TMEM132A: variants seen among roughly 807,000 people sequenced by gnomAD.
TMEM132A encodes the protein transmembrane protein 132A.
Under a neutral mutation model 69.9 loss-of-function variants are expected in TMEM132A, and 48 were observed. The observed-to-expected ratio is 0.69, with a 90% CI of 0.55 to 0.87. The LOEUF (loss-of-function observed/expected upper bound fraction) is 0.87, where lower values mean the gene tolerates loss of function less well. TMEM132A is among the 40% of genes least tolerant of loss of function. The probability of loss-of-function intolerance (pLI) is 0.00; values close to 1 mark genes in which losing one functional copy is unlikely to be tolerated. For synonymous variants in TMEM132A, 577 were observed against 613.7 expected, an observed-to-expected ratio of 0.94 and a Z score of 0.88; for missense variants, 1,287 against 1,407.2, an observed-to-expected ratio of 0.91 and a Z score of 1.37.
intron 5 of TMEM132A, 132 bp from the exon 6 acceptor site, chr11:60,931,557 A>T: frequency 2.2e-6 from 2 of 896,930 alleles, no homozygotes; most frequent in South Asian, 1.7e-5. Flanking sequence ...GTGTGGTCTT[A>T]AGTGAGCTAT....
chr11:60,936,378 T>A lies in TMEM132A; in HGVS notation c.2543T>A (p.Leu848Gln), dbSNP rs1286550885. 6.2e-7 allele frequency: 1 copy of A among 1,614,172 alleles called. No homozygotes were observed. Among genetic ancestry groups the A allele is most frequent in the East Asian group, 2.2e-5 (1 of 44,884 alleles). ...CCTCAGCATGTCACTGAGCTAGAGC[T>A]GGGCATGTACGCCCTGCTGGGAGTC... ...PAPQHVTELE[L>Q]GMYALLGVFC... Residue 848 changes from leucine (L) to glutamine (Q), a missense_variant, in exon 11 of 11, where the codon CTG (leucine) becomes CAG (glutamine). Physicochemically the swap from Leu to Gln is moderately radical, Grantham distance 113 (BLOSUM62 -2). Coordinates refer to ENST00000453848, the MANE Select transcript of TMEM132A (RefSeq NM_178031.3).
chr11:60,934,919 T>A (rs1214866289), intron 9 of TMEM132A, among the ~76,000 whole-genome samples, 155 bp downstream of exon 9: 1 of 148,562 alleles, frequency 6.7e-6, no homozygotes, highest in African/African-American at 2.4e-5. Flanking sequence ...GGGGATAGGC[T>A]CAGAATGGGG....
intron 4 of TMEM132A, 31 bp downstream of exon 4, chr11:60,928,991 G>C: frequency 6.2e-7 from 1 of 1,607,590 alleles, no homozygotes; most frequent in Non-Finnish European, 8.5e-7. Flanking sequence ...ATGGGTGAGG[G>C]TGGGAACCTC....
intron 7 of TMEM132A, chr11:60,933,156 C>T (rs976496447): frequency 5.5e-6 from 1 of 181,372 alleles, no homozygotes. Context: ...GTCAGGGCTG[C>T]TCTCTTCTGG....
intron 1 of TMEM132A, 45 bp downstream of exon 1, chr11:60,924,778 C>A: frequency 7.3e-7 from 1 of 1,372,250 alleles, no homozygotes; most frequent in African/African-American, 1.5e-5. Flanking sequence ...CCGGGCCCGG[C>A]CGAGTGGGAG....
Position 60,927,767 on chromosome 11 carries a change from C to T in TMEM132A, c.442C>T (p.Gln148Ter), listed in dbSNP as rs1199356603. 3 of 1,613,088 alleles carry T rather than the reference C, an allele frequency of 1.9e-6. No homozygotes were observed. The highest frequency in any genetic ancestry group is 1.6e-4 in the Middle Eastern group (1 of 6,084). ...YARVLFHLKGQDWPPGSGSLP... is the reference protein window; with the variant it reads ...YARVLFHLKG ...CCGGGTTCTCTTCCACCTCAAAGGGCAGGATTGGCCACCAGGGTCTGGCAG... is the reference window on the plus strand; with the variant it reads ...CCGGGTTCTCTTCCACCTCAAAGGGTAGGATTGGCCACCAGGGTCTGGCAG... The change falls in exon 3 of 11, where the codon CAG becomes TAG. Residue 148 changes from glutamine (Q) to a stop codon, truncating the protein, a stop_gained. Transcript: ENST00000453848. LOFTEE classifies it high-confidence loss of function.
At position 60,936,481 on chromosome 11, in the gene TMEM132A, C is replaced by G. The variant is rs1427116072; in HGVS notation, c.2646C>G (p.Asp882Glu). ...VLRYQRKEPP[D>E]SATDPTSPQP... ...GCTATCAGCGCAAAGAACCTCCCGA[C>G]AGTGCCACTGACCCCACCTCCCCCC... The change falls in exon 11 of 11, where the codon GAC (aspartate) becomes GAG (glutamate). Residue 882 changes from aspartate (D) to glutamate (E), a missense_variant. Asp to Glu is a conservative substitution (Grantham distance 45, BLOSUM62 2). Coordinates refer to ENST00000453848, the MANE Select transcript of TMEM132A (RefSeq NM_178031.3). 4 of 1,614,166 alleles carry G rather than the reference C, an allele frequency of 2.5e-6. No individual in the cohort carries two copies. In the Admixed American group the frequency reaches 6.7e-5, roughly 27 times the overall value.
chr11:60,936,115 C>T lies in TMEM132A; in HGVS notation c.2280C>T (p.Gly760=). The change falls in exon 11 of 11, where the codon GGC becomes GGT. Residue 760 remains glycine (G), a synonymous_variant. Transcript: ENST00000453848. ...GCCACCGTGTGCCTCTGGCCTCTGG[C>T]ACCGCCTGGCTGGGGCTGCCCCCTG... ...RGRHRVPLAS[G]TAWLGLPPAS... is the part of the protein sequence containing the mutation. 6.2e-7 allele frequency: 1 copy of T among 1,613,098 alleles called. No homozygotes were observed. Among genetic ancestry groups the T allele is most frequent in the African/African-American group, 1.3e-5 (1 of 75,040 alleles).
In TMEM132A at chr11:60,936,113, G is replaced by A. The variant is rs1487229057; in HGVS notation, c.2278G>A (p.Gly760Ser). The change falls in exon 11 of 11, where the codon GGC becomes AGC. Residue 760 changes from glycine to serine, a missense_variant. Transcript: ENST00000453848. ...RGRHRVPLAS[G>S]TAWLGLPPAS... Reference sequence around the variant, plus strand: ...CCGCCACCGTGTGCCTCTGGCCTCTGGCACCGCCTGGCTGGGGCTGCCCCC... The same window carrying A: ...CCGCCACCGTGTGCCTCTGGCCTCTAGCACCGCCTGGCTGGGGCTGCCCCC... 14 of 1,612,948 alleles carry A rather than the reference G, an allele frequency of 8.7e-6. No individual in the cohort carries two copies. The highest frequency in any genetic ancestry group is 1.1e-5 in the Non-Finnish European group (13 of 1,179,754).
intron 7 of TMEM132A, chr11:60,932,429 A>G (rs951755612): frequency 7.3e-6 from 2 of 274,684 alleles, no homozygotes; most frequent in Non-Finnish European, 1.4e-5. Context: ...AGTTTGAAAC[A>G]CATCTTTGTT....
Position 60,935,867 on chromosome 11 carries a change from G to A in TMEM132A, c.2032G>A (p.Val678Met). 2 of 1,611,714 alleles carry A rather than the reference G, an allele frequency of 1.2e-6. No individual in the cohort carries two copies. Among genetic ancestry groups the A allele is most frequent in the Non-Finnish European group, 1.7e-6 (2 of 1,179,852 alleles). Residue 678 changes from valine (V) to methionine (M), a missense_variant, in exon 11 of 11, where the codon GTG becomes ATG. By Grantham distance (21) the Val-to-Met change is conservative. Coordinates refer to ENST00000453848, the MANE Select transcript of TMEM132A (RefSeq NM_178031.3). The surrounding 1 kb of genome is among the most constrained non-coding windows in gnomAD (Gnocchi z 5.0). The part of the protein sequence containing the change: ...QSALPAPKQE[V>M]ALSLWLSFSD... ...CCTGTGTCTGTGTGCCCCACAGGAG[G>A]TGGCCCTCTCCCTATGGCTGTCCTT...
chr11:60,924,843 G>T, intron 1 of TMEM132A, 110 bp downstream of exon 1: 1 of 795,276 alleles, frequency 1.3e-6, no homozygotes, highest in South Asian at 1.9e-5. Flanking sequence ...ACCCTGAGCG[G>T]GGTCGCCCCG....
chr11:60,924,763 G>T, intron 1 of TMEM132A, 30 bp downstream of exon 1: 2 of 1,458,896 alleles, frequency 1.4e-6, no homozygotes, highest in East Asian at 2.7e-5. Context: ...CGGGGCGAGG[G>T]GCGGCCGGGC....
In TMEM132A at chr11:60,934,500, C is replaced by T; in HGVS notation, c.1572C>T (p.Pro524=). Residue 524 remains proline, a synonymous_variant, in exon 9 of 11, where the codon CCC becomes CCT. Coordinates refer to ENST00000453848, the MANE Select transcript of TMEM132A (RefSeq NM_178031.3). ...VPGPAEGPAE[P]AAEASDEAER... ...CCCCGCCCTGCAGGCCTGCGGAACC[C>T]GCTGCAGAGGCGTCGGATGAGGCCG... The T allele has an allele frequency of 1.4e-6, 2 of 1,399,496 alleles. No individual in the cohort carries two copies. The highest frequency in any genetic ancestry group is 1.6e-5 in the South Asian group (1 of 63,630). 86.7% of individuals were successfully genotyped at this position (1,399,496 alleles called of 1,614,324 possible).
chr11:60,930,481 C>T lies in TMEM132A; in HGVS notation c.867-29C>T, dbSNP rs377548062. ...AGCCCACAGTTCAGCATGCACCTTG[C>T]CAAACTGAGCCTATACTCTCTTCCC... On this transcript the variant is annotated intron_variant, in intron 4 of 10. Transcript: ENST00000453848. 31 of 1,563,220 alleles carry T rather than the reference C, an allele frequency of 2.0e-5. 1 individual carries two copies. Among genetic ancestry groups the T allele is most frequent in the Middle Eastern group, 1.7e-4 (1 of 5,858 alleles).
At chr11:60,934,127 CACCCTCGGAGGGGGCTCCCCAAA>C (rs1206031433) in intron 8 of TMEM132A, 1 of 367,960 alleles carries the variant, frequency 2.7e-6, no homozygotes, top group African/African-American at 2.1e-5. Context: ...AGGAAATGAA[CACCCTCGGAGGGGGCTCCCCAAA>C]ACCCAGGGAG....
Position 60,935,806 on chromosome 11 carries a change from T to C in TMEM132A, c.2029-58T>C. On this transcript the variant is annotated intron_variant, in intron 10 of 10. Coordinates refer to ENST00000453848, the MANE Select transcript of TMEM132A (RefSeq NM_178031.3). This position sits in a 1 kb window ranked among gnomAD's most constrained non-coding sequence, Gnocchi z 5.0. Reference sequence around the variant, plus strand: ...GTGGCCTATCTCTGTGGGAGTGGTTTCTCTGTGCATGCGTGCGTGCCCTCG... The same window carrying C: ...GTGGCCTATCTCTGTGGGAGTGGTTCCTCTGTGCATGCGTGCGTGCCCTCG... 2 of 1,577,962 alleles carry C rather than the reference T, an allele frequency of 1.3e-6. No individual in the cohort carries two copies. The highest frequency in any genetic ancestry group is 2.7e-5 in the African/African-American group (2 of 73,812).
chr11:60,932,049 C>G lies in TMEM132A; in HGVS notation c.1278C>G (p.Val426=), dbSNP rs1381068755. The G allele has an allele frequency of 1.3e-6, 2 of 1,594,770 alleles. No homozygotes were observed. Among genetic ancestry groups the G allele is most frequent in the Non-Finnish European group, 1.7e-6 (2 of 1,171,320 alleles). ...GVPQHVPVRL[V]TVDGGGALVE... ...CCCAGCATGTCCCCGTGCGCCTTGT[C>G]ACTGTGGACGGCGGGGGGGCCTTGG... Residue 426 remains valine, a synonymous_variant, in exon 7 of 11, where the codon GTC becomes GTG. Transcript: ENST00000453848.
Position 60,936,714 on chromosome 11 carries a change from G to C in TMEM132A, c.2879G>C (p.Arg960Pro). ...GCCCGAAAGGAGGCTGGGGGGCGGC[G>C]GAAGCGAGTAGAGTTTGTGACATTT... ...TLARKEAGGRRKRVEFVTFAP... is the reference protein window; with the variant it reads ...TLARKEAGGRPKRVEFVTFAP... The change falls in exon 11 of 11, where the codon CGG becomes CCG. Residue 960 changes from arginine (R) to proline (P), a missense_variant. Arg to Pro is a moderately radical substitution (Grantham distance 103). Transcript: ENST00000453848. 1.3e-6 allele frequency: 2 copies of C among 1,579,536 alleles called. No individual in the cohort carries two copies. Among genetic ancestry groups the C allele is most frequent in the Non-Finnish European group, 1.7e-6 (2 of 1,163,230 alleles).
Sources: gnomAD v4.1 joint callset for allele counts (sites outside exome capture counted in the v4.1 genomes callset) on GRCh38, gnomAD v4.1.1 for gene constraint, Gnocchi (gnomAD v3.1) non-coding constraint, MANE v1.5 for transcripts, NCBI Gene and HGNC (gene_info 2026-07-23, HGNC 2026-07-21) for gene names.